Variants in TIMP2 observed in about 807,000 individuals in gnomAD.
TIMP2 encodes TIMP metallopeptidase inhibitor 2, also known as metalloproteinase inhibitor 2.
A neutral mutation model predicts 24.3 loss-of-function variants in TIMP2; 5 were observed. The observed-to-expected ratio is 0.21, with a 90% CI of 0.11 to 0.43. The LOEUF (loss-of-function observed/expected upper bound fraction) is 0.43. Ranked by LOEUF, TIMP2 falls within the 20% of genes least tolerant of loss-of-function variation. The probability of loss-of-function intolerance (pLI) is 1.00; values close to 1 mark genes in which losing one functional copy is unlikely to be tolerated. For missense variants in TIMP2, 221 were observed against 297.5 expected, an observed-to-expected ratio of 0.74 and a Z score of 1.89; for synonymous variants, 130 against 123.2, an observed-to-expected ratio of 1.06 and a Z score of -0.37.
At chr17:78,870,445 G>C (rs7219724) in intron 3 of TIMP2, among the ~76,000 whole-genome samples, 90,678 of 144,570 alleles carry the variant, frequency 0.63, 30,382 homozygotes, top group Admixed American at 0.72. Flanking sequence ...AAGAAAGAAA[G>C]AAAGAAAATG....
intron 1 of TIMP2, among the ~76,000 whole-genome samples, chr17:78,885,749 C>G (rs2145763785): frequency 6.6e-6 from 1 of 152,306 alleles, no homozygotes; most frequent in Non-Finnish European, 1.5e-5. Flanking sequence ...CCTTAACACT[C>G]TGCCCAGGTC....
chr17:78,878,487 C>T (rs917957975), intron 1 of TIMP2, among the ~76,000 whole-genome samples: 10 of 152,164 alleles, frequency 6.6e-5, no homozygotes, highest in East Asian at 1.9e-4. Flanking sequence ...GGGATTGGGA[C>T]GGTGGCATCA....
rs114000861 is a variant in TIMP2 at position 78,878,177 on chromosome 17, G to C, written c.131-4258C>G. 9.5e-3 allele frequency among the ~76,000 whole-genome samples: 1,444 copies of C among 152,200 alleles called. 18 individuals are homozygous for C. The highest frequency in any genetic ancestry group is 0.033 in the African/African-American group (1,359 of 41,532). ...TCACATGCTGTTCTCTTACAAAAAC[G>C]CCTAAGGCTCCCAGGTGGCAGCTGG... On this transcript the variant is annotated intron_variant, in intron 1 of 4. Coordinates refer to ENST00000262768, the MANE Select transcript of TIMP2 (RefSeq NM_003255.5).
intron 1 of TIMP2, among the ~76,000 whole-genome samples, chr17:78,877,513 C>T (rs996117021): frequency 6.6e-6 from 1 of 151,792 alleles, no homozygotes; most frequent in African/African-American, 2.4e-5. Flanking sequence ...CATGCCACTG[C>T]ACTCCAGCCT....
At chr17:78,908,874 C>A (rs1271791641) in intron 1 of TIMP2, among the ~76,000 whole-genome samples, 1 of 152,168 alleles carries the variant, frequency 6.6e-6, no homozygotes, top group African/African-American at 2.4e-5. Flanking sequence ...CCAGCTCCAC[C>A]CTGACCCCAT....
chr17:78,878,341 A>T (rs2069747104), intron 1 of TIMP2, among the ~76,000 whole-genome samples: 1 of 152,104 alleles, frequency 6.6e-6, no homozygotes, highest in South Asian at 2.1e-4. Context: ...AACAGTCTTG[A>T]CACTTCACAA....
At chr17:78,861,375 C>G (rs899982699) in intron 3 of TIMP2, among the ~76,000 whole-genome samples, 3 of 152,164 alleles carry the variant, frequency 2.0e-5, no homozygotes, top group African/African-American at 7.2e-5. Context: ...TCAGAGAGTA[C>G]GTATAGAGAG....
At chr17:78,868,789 C>T (rs909530238) in intron 3 of TIMP2, among the ~76,000 whole-genome samples, 1 of 152,178 alleles carries the variant, frequency 6.6e-6, no homozygotes, top group Non-Finnish European at 1.5e-5. Flanking sequence ...GGCTGCTGGA[C>T]TGGATGGTGC....
chr17:78,913,476 C>T (rs1008973427), intron 1 of TIMP2, among the ~76,000 whole-genome samples: 11 of 152,066 alleles, frequency 7.2e-5, no homozygotes, highest in African/African-American at 2.7e-4. Context: ...TTTGGGAGGC[C>T]GAGGTGGGAA....
chr17:78,862,402 A>G (rs1264364332), intron 3 of TIMP2, among the ~76,000 whole-genome samples: 1 of 152,236 alleles, frequency 6.6e-6, no homozygotes, highest in South Asian at 2.1e-4. Flanking sequence ...AAGAAGTCAG[A>G]TGAGAGAGGT....
intron 1 of TIMP2, chr17:78,897,180 G>A (rs2145778555): frequency 5.6e-6 from 1 of 180,020 alleles, no homozygotes; most frequent in East Asian, 1.9e-4. Flanking sequence ...GGGGGGCGGG[G>A]GGCAAGCATC....
chr17:78,894,856 G>C (rs1304771111), intron 1 of TIMP2, among the ~76,000 whole-genome samples: 1 of 151,994 alleles, frequency 6.6e-6, no homozygotes, highest in African/African-American at 2.4e-5. Flanking sequence ...GGTACCATAA[G>C]TAAAGTGAAA....
chr17:78,892,076 C>A (rs771451493), intron 1 of TIMP2: 1 of 1,551,970 alleles, frequency 6.4e-7, no homozygotes. Context: ...CCTGGCCCGT[C>A]CTCCTCCCCA....
chr17:78,909,424 C>G (rs927068914), intron 1 of TIMP2, among the ~76,000 whole-genome samples: 1 of 151,930 alleles, frequency 6.6e-6, no homozygotes, highest in Non-Finnish European at 1.5e-5. Context: ...AGTGTCAGCA[C>G]ATGCCTTCTG....
At chr17:78,890,994 T>C (rs1208801774) in intron 1 of TIMP2, 9 of 1,551,236 alleles carry the variant, frequency 5.8e-6, no homozygotes, top group Non-Finnish European at 7.8e-6. Context: ...GCTTTCTGCC[T>C]TTGCCTGGAT....
At chr17:78,910,120 T>C (rs556269511) in intron 1 of TIMP2, among the ~76,000 whole-genome samples, 1 of 152,284 alleles carries the variant, frequency 6.6e-6, no homozygotes, top group African/African-American at 2.4e-5. Flanking sequence ...AGCATTTCTT[T>C]CTTTGTGGTA....
chr17:78,891,837 T>C lies in TIMP2; in HGVS notation c.131-17918A>G. On this transcript the variant is annotated intron_variant, in intron 1 of 4. Transcript: ENST00000262768. This position sits in a 1 kb window ranked among gnomAD's most constrained non-coding sequence, Gnocchi z 4.5. ...GTCGAAGGTTCTGGCCTTCCCTTTC[T>C]CTTCTCAGGCGGGGCCAGGTGAGAA... 6.4e-7 allele frequency: 1 copy of C among 1,550,774 alleles called. No individual in the cohort carries two copies. Among genetic ancestry groups the C allele is most frequent in the Non-Finnish European group, 8.7e-7 (1 of 1,147,032 alleles).
intron 1 of TIMP2, among the ~76,000 whole-genome samples, chr17:78,914,799 C>T (rs188794726): frequency 2.7e-3 from 415 of 151,974 alleles, no homozygotes; most frequent in Non-Finnish European, 5.0e-3. Context: ...GTTGCCTAGG[C>T]TGATCTGGAA....
At chr17:78,858,420 G>T (rs1226777396) in intron 3 of TIMP2, among the ~76,000 whole-genome samples, 1 of 151,916 alleles carries the variant, frequency 6.6e-6, no homozygotes, top group African/African-American at 2.4e-5. Flanking sequence ...TCCAGCCTGG[G>T]CCTGGGCGAC....
Sources: gnomAD v4.1 joint callset for allele counts (sites outside exome capture counted in the v4.1 genomes callset) on GRCh38, gnomAD v4.1.1 for gene constraint, Gnocchi (gnomAD v3.1) non-coding constraint, MANE v1.5 for transcripts, NCBI Gene and HGNC (gene_info 2026-07-23, HGNC 2026-07-21) for gene names.